Variants in SLC24A2 observed in about 807,000 individuals in gnomAD.
SLC24A2 encodes the protein sodium/potassium/calcium exchanger 2.
A neutral mutation model predicts 62.0 loss-of-function variants in SLC24A2; 36 were observed. The ratio of observed to expected loss-of-function variants is 0.58; its 90% CI spans 0.44 to 0.77. The LOEUF (loss-of-function observed/expected upper bound fraction) is 0.77, where lower values mean the gene tolerates loss of function less well. Among genes scored for constraint, SLC24A2 ranks in the 30% least tolerant of loss-of-function variants. The pLI is 0.00. For synonymous variants in SLC24A2, 358 were observed against 294.0 expected, an observed-to-expected ratio of 1.22 and a Z score of -2.23; for missense variants, 846 against 817.9, an observed-to-expected ratio of 1.03 and a Z score of -0.42.
the SLC24A2 span, among the ~76,000 whole-genome samples, chr9:20,026,449 T>C: frequency 6.6e-6 from 1 of 152,136 alleles, no homozygotes; most frequent in Non-Finnish European, 1.5e-5. Flanking sequence ...ATTTAAAAAA[T>C]CCCTAGGACC....
chr9:20,075,550 T>C, the SLC24A2 span, among the ~76,000 whole-genome samples: 13 of 152,284 alleles, frequency 8.5e-5, no homozygotes, highest in Admixed American at 2.6e-4. Context: ...AATTCACACC[T>C]CACACTTCCC....
chr9:20,089,554 T>G, the SLC24A2 span, among the ~76,000 whole-genome samples: 7 of 151,872 alleles, frequency 4.6e-5, no homozygotes, highest in East Asian at 1.4e-3. Context: ...GAACCCCCAC[T>G]CCCAATCTTC....
At chr9:20,296,401 G>T in the SLC24A2 span, among the ~76,000 whole-genome samples, 1 of 152,180 alleles carries the variant, frequency 6.6e-6, no homozygotes, top group African/African-American at 2.4e-5. Context: ...ATTGCACAAA[G>T]ACTTTTAGAG....
At chr9:20,143,490 C>G in the SLC24A2 span, among the ~76,000 whole-genome samples, 1 of 152,190 alleles carries the variant, frequency 6.6e-6, no homozygotes. Flanking sequence ...CCAGACTATG[C>G]CAGGCAGTTT....
At chr9:19,709,633 T>C (rs1587195537) in intron 2 of SLC24A2, among the ~76,000 whole-genome samples, 1 of 151,574 alleles carries the variant, frequency 6.6e-6, no homozygotes, top group South Asian at 2.1e-4. Flanking sequence ...GACACCATCA[T>C]TCTCAGCAAA....
At chr9:19,809,607 G>C in the SLC24A2 span, among the ~76,000 whole-genome samples, 1 of 152,126 alleles carries the variant, frequency 6.6e-6, no homozygotes. Context: ...TGGCGGCTCT[G>C]TCTTCCCTTC....
At chr9:20,296,282 C>T in the SLC24A2 span, among the ~76,000 whole-genome samples, 7 of 152,192 alleles carry the variant, frequency 4.6e-5, no homozygotes, top group African/African-American at 1.7e-4. Flanking sequence ...CAAGAAATCT[C>T]CCCTGCCAAA....
At chr9:19,814,515 T>C in the SLC24A2 span, among the ~76,000 whole-genome samples, 1 of 152,134 alleles carries the variant, frequency 6.6e-6, no homozygotes, top group Admixed American at 6.6e-5. Flanking sequence ...GAGGTAGTAA[T>C]TGAGCTTTCC....
At position 19,786,722 on chromosome 9, in the gene SLC24A2, T is replaced by C. The variant is rs1384621799; in HGVS notation, c.145A>G (p.Ile49Val). 15 of 1,609,694 alleles carry C rather than the reference T, an allele frequency of 9.3e-6. No individual in the cohort carries two copies. The highest frequency in any genetic ancestry group is 1.1e-5 in the South Asian group (1 of 90,558). The part of the protein sequence containing the change: ...VLGLFMGLVA[I>V]STVSFSISAF... Reference sequence around the variant, plus strand: ...CTGATTGAAAATGAGACAGTGCTAATGGCTACCAGACCCATGAAAAGGCCT... The same window carrying C: ...CTGATTGAAAATGAGACAGTGCTAACGGCTACCAGACCCATGAAAAGGCCT... Residue 49 changes from isoleucine to valine, a missense_variant, in exon 2 of 11, where the codon ATT (isoleucine) becomes GTT (valine). Transcript: ENST00000341998. This position sits in a 1 kb window ranked among gnomAD's most constrained non-coding sequence, Gnocchi z 5.0.
At chr9:20,190,149 GC>G in the SLC24A2 span, among the ~76,000 whole-genome samples, 1 of 152,184 alleles carries the variant, frequency 6.6e-6, no homozygotes, top group African/African-American at 2.4e-5. Flanking sequence ...GGCAAAAGAG[GC>G]AAAATGAGCT....
chr9:19,996,931 A>C, the SLC24A2 span, among the ~76,000 whole-genome samples: 1 of 152,088 alleles, frequency 6.6e-6, no homozygotes, highest in Non-Finnish European at 1.5e-5. Flanking sequence ...AATTTTAGAA[A>C]GCGCTCAGTG....
intron 7 of SLC24A2, among the ~76,000 whole-genome samples, chr9:19,555,920 G>A (rs1835066676): frequency 4.6e-5 from 7 of 152,052 alleles, no homozygotes; most frequent in Admixed American, 4.6e-4. Context: ...ACTCTAGCCT[G>A]GCAACACAGA....
chr9:19,991,012 AC>A, the SLC24A2 span, among the ~76,000 whole-genome samples: 80 of 122,684 alleles, frequency 6.5e-4, no homozygotes, highest in Middle Eastern at 7.6e-3. Flanking sequence ...ATACATATAT[AC>A]ATACACACAC....
At chr9:20,270,770 A>C in the SLC24A2 span, among the ~76,000 whole-genome samples, 3 of 152,238 alleles carry the variant, frequency 2.0e-5, no homozygotes, top group Non-Finnish European at 2.9e-5. Flanking sequence ...TTCACATTCT[A>C]GTGGAACTTT....
At chr9:20,084,442 T>C in the SLC24A2 span, among the ~76,000 whole-genome samples, 2 of 151,886 alleles carry the variant, frequency 1.3e-5, no homozygotes, top group African/African-American at 4.8e-5. Context: ...TTTCTTCCTT[T>C]CTTCCTTCCT....
intron 2 of SLC24A2, among the ~76,000 whole-genome samples, chr9:19,680,851 T>TTGTGTGTG (rs72142691): frequency 1.9e-4 from 28 of 146,968 alleles, no homozygotes; most frequent in African/African-American, 6.0e-4. Flanking sequence ...TATACCAGAG[T>TTGTGTGTG]TGTGTGTGTG....
chr9:19,610,271 AG>A (rs1837117007), intron 4 of SLC24A2, among the ~76,000 whole-genome samples: 1 of 152,232 alleles, frequency 6.6e-6, no homozygotes, highest in Non-Finnish European at 1.5e-5. Context: ...AAAATAAGTA[AG>A]AACCTTCATT....
intron 2 of SLC24A2, among the ~76,000 whole-genome samples, chr9:19,622,597 T>C (rs1373695884): frequency 6.6e-6 from 1 of 152,216 alleles, no homozygotes; most frequent in Non-Finnish European, 1.5e-5. Context: ...TGGAATACTA[T>C]GTGATCATTA....
the SLC24A2 span, among the ~76,000 whole-genome samples, chr9:20,091,685 T>C: frequency 6.6e-6 from 1 of 152,180 alleles, no homozygotes; most frequent in Non-Finnish European, 1.5e-5. Flanking sequence ...CCACCCGGCC[T>C]GCCTTATAAG....
Sources: allele counts gnomAD v4.1 joint callset (sites outside exome capture counted in the v4.1 genomes callset), GRCh38; gene constraint gnomAD v4.1.1; non-coding constraint Gnocchi (gnomAD v3.1); transcripts MANE v1.5; gene names NCBI Gene and HGNC (gene_info 2026-07-23, HGNC 2026-07-21).